Variants in CSMD1 observed in about 807,000 individuals in gnomAD.
The protein encoded by CSMD1 is CUB and Sushi multiple domains 1.
Under a neutral mutation model 417.5 loss-of-function variants are expected in CSMD1, and 213 were observed. The observed-to-expected ratio is 0.51, with a 90% CI of 0.46 to 0.57. The LOEUF is 0.57. Among genes scored for constraint, CSMD1 ranks in the 20% least tolerant of loss-of-function variants. The probability of loss-of-function intolerance (pLI) is 0.00; values close to 1 mark genes in which losing one functional copy is unlikely to be tolerated. For missense variants in CSMD1, 6,923 were observed against 4,529.7 expected (o/e 1.53, Z -15.17); for synonymous variants, 2,862 against 1,736.8 (o/e 1.65, Z -16.11).
At chr8:3,981,521 AAAAAG>A (rs1310456711) in intron 5 of CSMD1, among the ~76,000 whole-genome samples, 326 of 149,600 alleles carry the variant, frequency 2.2e-3, no homozygotes, top group African/African-American at 8.0e-3. Flanking sequence ...AAAAAAAAAA[AAAAAG>A]AACATACAAT....
At chr8:3,386,446 T>C (rs745901124) in intron 18 of CSMD1, among the ~76,000 whole-genome samples, 1 of 152,216 alleles carries the variant, frequency 6.6e-6, no homozygotes, top group Non-Finnish European at 1.5e-5. Context: ...GCTGTCCACC[T>C]GCACTCTGTG....
intron 3 of CSMD1, among the ~76,000 whole-genome samples, chr8:4,280,055 G>A (rs889332777): frequency 3.3e-5 from 5 of 152,230 alleles, no homozygotes; most frequent in South Asian, 2.1e-4. Context: ...TAGCTAGAAC[G>A]CTGAGCGTTA....
chr8:3,574,287 C>G (rs530917998), intron 10 of CSMD1, among the ~76,000 whole-genome samples: 250 of 152,336 alleles, frequency 1.6e-3, no homozygotes, highest in African/African-American at 5.4e-3. Flanking sequence ...GTCGCCCAGG[C>G]TGGAGTGCAG....
chr8:3,611,786 C>A (rs546315651), intron 8 of CSMD1, among the ~76,000 whole-genome samples: 3 of 152,106 alleles, frequency 2.0e-5, no homozygotes, highest in Admixed American at 6.5e-5. Flanking sequence ...CTCGATGAAT[C>A]ATTATTTTCA....
intron 5 of CSMD1, among the ~76,000 whole-genome samples, chr8:3,936,520 T>G (rs889624795): frequency 4.6e-5 from 7 of 152,196 alleles, no homozygotes; most frequent in African/African-American, 1.7e-4. Context: ...TTAAGAATTC[T>G]GCTAAATCAA....
At chr8:4,652,183 T>A (rs1012275043) in intron 1 of CSMD1, among the ~76,000 whole-genome samples, 1 of 152,050 alleles carries the variant, frequency 6.6e-6, no homozygotes, top group South Asian at 2.1e-4. Context: ...CATTGAGGGA[T>A]TGCATTAAAT....
chr8:4,290,045 G>A (rs1459751002), intron 3 of CSMD1, among the ~76,000 whole-genome samples: 8 of 152,174 alleles, frequency 5.3e-5, no homozygotes, highest in Non-Finnish European at 1.2e-4. Flanking sequence ...GGTTTAACCA[G>A]AACCAACAAC....
chr8:4,847,740 G>A (rs1380372697), intron 1 of CSMD1, among the ~76,000 whole-genome samples: 45 of 149,286 alleles, frequency 3.0e-4, no homozygotes, highest in Non-Finnish European at 8.9e-5. Context: ...TTTCAGGACC[G>A]TTGGTCAGGT....
intron 1 of CSMD1, among the ~76,000 whole-genome samples, chr8:4,905,831 A>AG (rs1805229696): frequency 1.4e-5 from 2 of 142,234 alleles, no homozygotes; most frequent in African/African-American, 5.8e-5. Flanking sequence ...AAAAAAAAAA[A>AG]AAAGAAAAAA....
chr8:4,006,751 C>A (rs1477382908), intron 4 of CSMD1, among the ~76,000 whole-genome samples: 1 of 151,800 alleles, frequency 6.6e-6, no homozygotes, highest in Non-Finnish European at 1.5e-5. Context: ...AGAAGGAACT[C>A]ACCACTATTT....
intron 55 of CSMD1, among the ~76,000 whole-genome samples, chr8:2,977,171 T>C (rs1049614084): frequency 6.6e-6 from 1 of 152,124 alleles, no homozygotes; most frequent in Non-Finnish European, 1.5e-5. Flanking sequence ...CGCAGGGAAA[T>C]GTGTGCCATG....
chr8:3,336,053 C>G (rs1807241169), intron 23 of CSMD1, among the ~76,000 whole-genome samples: 1 of 152,160 alleles, frequency 6.6e-6, no homozygotes, highest in African/African-American at 2.4e-5. Flanking sequence ...GGTTAACGTA[C>G]AAAGTGCTTT....
chr8:3,439,521 G>GTGTA (rs1554552890), intron 12 of CSMD1, among the ~76,000 whole-genome samples: 1 of 150,426 alleles, frequency 6.6e-6, no homozygotes, highest in African/African-American at 2.4e-5. Context: ...GTGTGTGTGT[G>GTGTA]TAATTGTAGA....
chr8:4,178,610 G>A (rs566381232), intron 3 of CSMD1, among the ~76,000 whole-genome samples: 1 of 151,864 alleles, frequency 6.6e-6, no homozygotes, highest in East Asian at 1.9e-4. Flanking sequence ...GAAATAAAGG[G>A]TATTCAATTA....
intron 3 of CSMD1, among the ~76,000 whole-genome samples, chr8:4,205,878 A>ATT (rs1409968790): frequency 5.9e-5 from 9 of 152,176 alleles, no homozygotes; most frequent in African/African-American, 2.2e-4. Context: ...TGAACTTCCT[A>ATT]TTATGCACTG....
At chr8:3,588,842 T>C (rs1259576891) in intron 8 of CSMD1, among the ~76,000 whole-genome samples, 1 of 152,064 alleles carries the variant, frequency 6.6e-6, no homozygotes, top group Non-Finnish European at 1.5e-5. Flanking sequence ...TGCTAATGCG[T>C]TCATATCCAC....
intron 35 of CSMD1, 115 bp from the exon 36 acceptor site, chr8:3,188,080 A>G (rs1428009199): frequency 8.9e-6 from 3 of 336,614 alleles, no homozygotes; most frequent in Non-Finnish European, 1.1e-5. Context: ...ATATATACAT[A>G]TGTATATGTA....
intron 5 of CSMD1, among the ~76,000 whole-genome samples, chr8:3,951,801 G>C (rs1005906011): frequency 5.9e-5 from 9 of 152,086 alleles, no homozygotes; most frequent in Admixed American, 5.2e-4. Context: ...TAGTGAGCTG[G>C]CAAAGAAGTG....
At chr8:3,566,971 C>G (rs937756264) in intron 10 of CSMD1, among the ~76,000 whole-genome samples, 1 of 152,170 alleles carries the variant, frequency 6.6e-6, no homozygotes, top group African/African-American at 2.4e-5. Flanking sequence ...AAGACACATG[C>G]AGGTATAAGT....
Sources: allele counts gnomAD v4.1 joint callset (sites outside exome capture counted in the v4.1 genomes callset), GRCh38; gene constraint gnomAD v4.1.1; transcripts MANE v1.5; gene names NCBI Gene and HGNC (gene_info 2026-07-23, HGNC 2026-07-21).